Variants in ZC2HC1C observed in about 807,000 individuals in gnomAD.
ZC2HC1C encodes zinc finger C2HC domain-containing protein 1C.
Under a neutral mutation model 39.2 loss-of-function variants are expected in ZC2HC1C, and 25 were observed. The ratio of observed to expected loss-of-function variants is 0.64; its 90% CI spans 0.47 to 0.89. The LOEUF is 0.89. Among genes scored for constraint, ZC2HC1C ranks in the 40% least tolerant of loss-of-function variants. ZC2HC1C has a pLI of 0.00. For synonymous variants in ZC2HC1C, 209 were observed against 214.4 expected, an observed-to-expected ratio of 0.97 and a Z score of 0.22; for missense variants, 519 against 548.6, an observed-to-expected ratio of 0.95 and a Z score of 0.54.
Position 75,071,803 on chromosome 14 carries a change from C to T in ZC2HC1C, c.1230C>T (p.Cys410=). 1 of 1,614,200 alleles carries T rather than the reference C, an allele frequency of 6.2e-7. No homozygotes were observed. The highest frequency in any genetic ancestry group is 1.1e-5 in the South Asian group (1 of 91,076). The change falls in exon 2 of 3, where the codon TGC becomes TGT. Residue 410 remains cysteine (C), a synonymous_variant. Transcript: ENST00000524913. ...SFRLERHSNI[C]SRMRGSKRKV... ...GGCTGGAGAGACACTCCAACATCTG[C>T]AGCAGGATGCGGGGTTCCAAGAGGA...
Position 75,071,499 on chromosome 14 carries a change from C to T in ZC2HC1C, c.926C>T (p.Ser309Phe), listed in dbSNP as rs1312734266. Residue 309 changes from serine (S) to phenylalanine (F), a missense_variant, in exon 2 of 3, where the codon TCT becomes TTT. Transcript: ENST00000524913. ...DRREDETWGR[S>F]QQNSGPFQFS... ...AGAGAGGATGAAACTTGGGGACGGT[C>T]TCAACAAAATTCAGGTCCATTCCAG... 10 of 1,614,078 alleles carry T rather than the reference C, an allele frequency of 6.2e-6. No individual in the cohort carries two copies. Among genetic ancestry groups the T allele is most frequent in the Non-Finnish European group, 8.5e-6 (10 of 1,180,012 alleles).
chr14:75,077,699 T>A lies in ZC2HC1C; in HGVS notation c.*135T>A. 1 of 1,056,944 alleles carries A rather than the reference T, an allele frequency of 9.5e-7. No individual in the cohort carries two copies. The highest frequency in any genetic ancestry group is 1.4e-6 in the Non-Finnish European group (1 of 714,934). The allele number at this position is 1,056,944 out of a possible 1,614,324, so 65.5% of individuals were successfully genotyped here. ...CAGACTGCATTCAGTGTCCTCAGTGTAGCCACCACTTTGCTCCCAAGGTGG... is the reference window on the plus strand; with the variant it reads ...CAGACTGCATTCAGTGTCCTCAGTGAAGCCACCACTTTGCTCCCAAGGTGG... On this transcript the variant is annotated 3_prime_UTR_variant, in exon 3 of 3. Coordinates refer to ENST00000524913, the MANE Select transcript of ZC2HC1C (RefSeq NM_024643.4).
intron 2 of ZC2HC1C, among the ~76,000 whole-genome samples, chr14:75,076,921 G>A (rs1278547338): frequency 4.6e-5 from 7 of 152,046 alleles, no homozygotes; most frequent in Admixed American, 2.0e-4. Flanking sequence ...TTTAATTAGC[G>A]TTTCCCAAGG....
intron 2 of ZC2HC1C, among the ~76,000 whole-genome samples, chr14:75,075,972 G>A (rs1053835253): frequency 3.3e-5 from 5 of 152,100 alleles, no homozygotes; most frequent in African/African-American, 9.7e-5. Flanking sequence ...TAGGAGAATC[G>A]CTTGAATCTA....
At chr14:75,073,577 G>A (rs1893523521) in intron 2 of ZC2HC1C, 1 of 1,289,120 alleles carries the variant, frequency 7.8e-7, no homozygotes. Context: ...ACAGTGCTGT[G>A]CCTTTGGAAG....
rs175498 is a variant in ZC2HC1C, at chr14:75,069,666, G to A, written c.-103G>A. 87,917 of 183,026 alleles carry A rather than the reference G, an allele frequency of 0.48. 21,794 individuals are homozygous for A. The highest frequency in any genetic ancestry group is 0.58 in the Middle Eastern group (273 of 470). 11.3% of individuals were successfully genotyped at this position (183,026 alleles called of 1,614,324 possible). ...AGAAGCCAGCTGAGAGCGCCTGCGC[G>A]GCTGTCGGTTGATGGGGAGGTCAGG... On this transcript the variant is annotated 5_prime_UTR_variant, in exon 1 of 3. Transcript: ENST00000524913.
Position 75,077,837 on chromosome 14 carries a change from G to A in ZC2HC1C, c.*273G>A. 4.7e-6 allele frequency: 2 copies of A among 423,162 alleles called. No homozygotes were observed. The highest frequency in any genetic ancestry group is 8.5e-6 in the Non-Finnish European group (2 of 234,326). 26.2% of individuals were successfully genotyped at this position (423,162 alleles called of 1,614,324 possible). A position where few individuals can be genotyped will look rare whatever the true frequency, so the allele number is the denominator to read the frequency against. On this transcript the variant is annotated 3_prime_UTR_variant, in exon 3 of 3. Transcript: ENST00000524913. ...ACTTTTGGATAGTTCAGAAAGCTCT[G>A]CTTCTCTTCAGCAGTAAATGGGAGT...
chr14:75,077,426 A>C, intron 2 of ZC2HC1C, 106 bp from the exon 3 acceptor site: 1 of 1,447,282 alleles, frequency 6.9e-7, no homozygotes, highest in Non-Finnish European at 9.6e-7. Context: ...GTTCTCTTTG[A>C]CCTTGCAGAT....
chr14:75,077,486 G>T (rs12589876), intron 2 of ZC2HC1C, 46 bp from the exon 3 acceptor site: 1 of 1,612,158 alleles, frequency 6.2e-7, no homozygotes, highest in Non-Finnish European at 8.5e-7. Context: ...ACTCAGGAAG[G>T]AGATAGGTGC....
intron 1 of ZC2HC1C, chr14:75,070,087 T>C (rs1893283035): frequency 6.3e-6 from 1 of 158,254 alleles, no homozygotes; most frequent in South Asian, 1.8e-4. Flanking sequence ...CCCTGAGAGT[T>C]CTTTGTGCCA....
At chr14:75,069,905 T>A (rs930710218) in intron 1 of ZC2HC1C, 156 bp downstream of exon 1, 2 of 152,820 alleles carry the variant, frequency 1.3e-5, no homozygotes, top group African/African-American at 4.8e-5. Context: ...GCCTTAAGGA[T>A]CTAAAACCGG....
intron 2 of ZC2HC1C, among the ~76,000 whole-genome samples, chr14:75,072,187 C>A (rs1893459651): frequency 6.6e-6 from 1 of 152,120 alleles, no homozygotes; most frequent in South Asian, 2.1e-4. Context: ...GCAGAGTCGG[C>A]ATATAAATCT....
rs1893806845 is a variant in ZC2HC1C at position 75,079,501 on chromosome 14, A to C, written c.*1937A>C. 1 of 152,242 alleles carries C rather than the reference A, an allele frequency of 6.6e-6. No individual in the cohort carries two copies. The highest frequency in any genetic ancestry group is 1.9e-4 in the East Asian group (1 of 5,208). 9.4% of individuals were successfully genotyped at this position (152,242 alleles called of 1,614,324 possible). ...CCTAGGCAAGTTCAATGAAATGTAC[A>C]CTTTAAGTGGGAATGTAAACCAGTA... is the stretch of plus-strand genomic sequence containing the variant. On this transcript the variant is annotated 3_prime_UTR_variant, in exon 3 of 3. Transcript: ENST00000524913.
intron 2 of ZC2HC1C, among the ~76,000 whole-genome samples, chr14:75,074,351 T>A (rs1448763255): frequency 6.6e-6 from 1 of 152,182 alleles, no homozygotes; most frequent in Non-Finnish European, 1.5e-5. Context: ...CAATGCCAGA[T>A]CACCAAGAGC....
chr14:75,074,455 C>T (rs1893573512), intron 2 of ZC2HC1C, among the ~76,000 whole-genome samples: 1 of 152,192 alleles, frequency 6.6e-6, no homozygotes, highest in Non-Finnish European at 1.5e-5. Flanking sequence ...ACCCCTAATT[C>T]AGCCCCCGGA....
intron 2 of ZC2HC1C, among the ~76,000 whole-genome samples, chr14:75,076,561 C>T (rs1470821146): frequency 1.3e-5 from 2 of 152,214 alleles, no homozygotes; most frequent in African/African-American, 4.8e-5. Context: ...AGCCATCACA[C>T]CTGGCCTCTA....
At position 75,077,961 on chromosome 14, in the gene ZC2HC1C, AGAAG is replaced by A. The variant is rs1160601992; in HGVS notation, c.*402_*405del. 1.9e-5 allele frequency: 4 copies of A among 205,952 alleles called. No homozygotes were observed. Among genetic ancestry groups the A allele is most frequent in the Non-Finnish European group, 3.0e-5 (3 of 101,612 alleles). The allele number at this position is 205,952 out of a possible 1,614,324, so 12.8% of individuals were successfully genotyped here. A position where few individuals can be genotyped will look rare whatever the true frequency, so the allele number is the denominator to read the frequency against. On this transcript the variant is annotated 3_prime_UTR_variant, in exon 3 of 3. Coordinates refer to ENST00000524913, the MANE Select transcript of ZC2HC1C (RefSeq NM_024643.4). ...GAGCCACTGCTAAGCAGCAGGAGGCAGAAGGAAGCCCCAGCTTCCCACTAAATTA... is the reference window on the plus strand; with the variant it reads ...GAGCCACTGCTAAGCAGCAGGAGGCAGAAGCCCCAGCTTCCCACTAAATTA...
At position 75,071,477 on chromosome 14, in the gene ZC2HC1C, G is replaced by C. The variant is rs758419342; in HGVS notation, c.904G>C (p.Glu302Gln). 2 of 1,614,150 alleles carry C rather than the reference G, an allele frequency of 1.2e-6. No individual in the cohort carries two copies. The highest frequency in any genetic ancestry group is 3.3e-5 in the Admixed American group (2 of 60,012). The change falls in exon 2 of 3, where the codon GAG becomes CAG. Residue 302 changes from glutamate (E) to glutamine (Q), a missense_variant. Physicochemically the swap from Glu to Gln is conservative, Grantham distance 29. Transcript: ENST00000524913. ...GGAAGAATTTAGTAGAGACAGGAGAGAGGATGAAACTTGGGGACGGTCTCA... is the reference window on the plus strand; with the variant it reads ...GGAAGAATTTAGTAGAGACAGGAGACAGGATGAAACTTGGGGACGGTCTCA... ...FEEEFSRDRREDETWGRSQQN... is the reference protein window; with the variant it reads ...FEEEFSRDRRQDETWGRSQQN...
At position 75,070,911 on chromosome 14, in the gene ZC2HC1C, C is replaced by T; in HGVS notation, c.338C>T (p.Pro113Leu). 2 of 1,614,222 alleles carry T rather than the reference C, an allele frequency of 1.2e-6. No individual in the cohort carries two copies. Among genetic ancestry groups the T allele is most frequent in the East Asian group, 2.2e-5 (1 of 44,888 alleles). The change falls in exon 2 of 3, where the codon CCT (proline) becomes CTT (leucine). Residue 113 changes from proline (P) to leucine (L), a missense_variant. By Grantham distance (98) the Pro-to-Leu change is moderately conservative. Coordinates refer to ENST00000524913, the MANE Select transcript of ZC2HC1C (RefSeq NM_024643.4). The stretch of plus-strand genomic sequence containing the variant: ...AATGGTTTGTTTTACTCGTCAGGCC[C>T]TCAATCCTGGTATCCCAAAGCCAAT... ...QGNGLFYSSGPQSWYPKANNQ... is the reference protein window; with the variant it reads ...QGNGLFYSSGLQSWYPKANNQ...
Sources: allele counts gnomAD v4.1 joint callset (sites outside exome capture counted in the v4.1 genomes callset), GRCh38; gene constraint gnomAD v4.1.1; transcripts MANE v1.5; gene names NCBI Gene and HGNC (gene_info 2026-07-23, HGNC 2026-07-21).